The following CEP128 variants were observed in gnomAD, a reference collection of about 807,000 sequenced individuals.
CEP128 encodes centrosomal protein 128, also known as centrosomal protein 128kDa.
A neutral mutation model predicts 156.7 loss-of-function variants in CEP128; 132 were observed. The observed-to-expected ratio is 0.84, with a 90% CI of 0.73 to 0.97. The LOEUF (loss-of-function observed/expected upper bound fraction) is 0.97. Ranked by LOEUF, CEP128 falls within the 50% of genes least tolerant of loss-of-function variation. The probability of loss-of-function intolerance (pLI) is 0.00; values close to 1 mark genes in which losing one functional copy is unlikely to be tolerated. For synonymous variants in CEP128, 469 were observed against 448.9 expected (o/e 1.04, Z -0.57); for missense variants, 1,252 against 1,281.9 (o/e 0.98, Z 0.36).
intron 19 of CEP128, among the ~76,000 whole-genome samples, chr14:80,617,248 T>TTTTTTA (rs1893257571): frequency 1.4e-5 from 2 of 142,586 alleles, no homozygotes; most frequent in Non-Finnish European, 3.0e-5. Context: ...TTTTTTTTTT[T>TTTTTTA]GAGACGGAGT....
At chr14:80,804,439 G>A (rs914568905) in intron 13 of CEP128, among the ~76,000 whole-genome samples, 3 of 152,080 alleles carry the variant, frequency 2.0e-5, no homozygotes, top group Admixed American at 6.6e-5. Flanking sequence ...ATAAGTGGTA[G>A]ACAAGCCAAT....
chr14:80,589,756 A>G (rs1891970257), intron 19 of CEP128, among the ~76,000 whole-genome samples: 1 of 152,114 alleles, frequency 6.6e-6, no homozygotes, highest in South Asian at 2.1e-4. Flanking sequence ...GGTATGTAAT[A>G]CCCCAAGGGT....
rs375013895 is a variant in CEP128, at chr14:80,571,392, C to G, written c.2856+8982G>C. The stretch of plus-strand genomic sequence containing the variant: ...TTCTATTTTACTTTATGGGCAAATA[C>G]AGAAATATTACTTACAGACATTACA... On this transcript the variant is annotated intron_variant, in intron 20 of 24. Coordinates refer to ENST00000555265, the MANE Select transcript of CEP128 (RefSeq NM_152446.5). Among the ~76,000 whole-genome samples the G allele has an allele frequency of 2.4e-4, 36 of 152,240 alleles. No homozygotes were observed. In the East Asian group the frequency reaches 6.4e-3, roughly 27 times the overall value.
chr14:80,528,025 C>A (rs1004169247), intron 22 of CEP128, among the ~76,000 whole-genome samples: 1 of 151,852 alleles, frequency 6.6e-6, no homozygotes, highest in Non-Finnish European at 1.5e-5. Flanking sequence ...AAAACACGTA[C>A]GGATTTAGTG....
chr14:80,722,913 G>A (rs932511587), intron 19 of CEP128, among the ~76,000 whole-genome samples: 2 of 142,010 alleles, frequency 1.4e-5, no homozygotes, highest in Admixed American at 7.8e-5. Context: ...TGCAAGCTCC[G>A]CCTCCTGGGT....
At chr14:80,696,046 C>A (rs1896882344) in intron 19 of CEP128, among the ~76,000 whole-genome samples, 1 of 151,978 alleles carries the variant, frequency 6.6e-6, no homozygotes, top group South Asian at 2.1e-4. Flanking sequence ...AAGTCTGAAC[C>A]TCCGTCCAGT....
At chr14:80,566,455 G>A (rs929497059) in intron 20 of CEP128, among the ~76,000 whole-genome samples, 3 of 152,048 alleles carry the variant, frequency 2.0e-5, no homozygotes, top group East Asian at 1.9e-4. Context: ...GAAAGGCTTT[G>A]ATTAATCATC....
intron 19 of CEP128, among the ~76,000 whole-genome samples, chr14:80,647,037 G>GTATA (rs60895994): frequency 2.9e-5 from 2 of 69,616 alleles, no homozygotes; most frequent in Non-Finnish European, 5.7e-5. Context: ...ATGTGTGCAT[G>GTATA]TATATATATA....
At chr14:80,681,829 T>C (rs1177390147) in intron 19 of CEP128, among the ~76,000 whole-genome samples, 1 of 152,164 alleles carries the variant, frequency 6.6e-6, no homozygotes, top group Non-Finnish European at 1.5e-5. Flanking sequence ...AACAGTCTAA[T>C]ACAGTGAGTC....
At chr14:80,506,014 A>G (rs143802820) in intron 23 of CEP128, among the ~76,000 whole-genome samples, 2 of 152,352 alleles carry the variant, frequency 1.3e-5, no homozygotes, top group African/African-American at 4.8e-5. Context: ...AACAGGTAAT[A>G]ACAGGAAGAA....
At chr14:80,622,560 C>G (rs370808533) in intron 19 of CEP128, among the ~76,000 whole-genome samples, 17,636 of 150,056 alleles carry the variant, frequency 0.12, 1,499 homozygotes, top group Non-Finnish European at 0.17. Context: ...ACCTACTCAT[C>G]TGACAAAGGG....
At chr14:80,566,365 A>T (rs1890908463) in intron 20 of CEP128, among the ~76,000 whole-genome samples, 1 of 152,236 alleles carries the variant, frequency 6.6e-6, no homozygotes, top group Non-Finnish European at 1.5e-5. Flanking sequence ...TAATTAAAAG[A>T]GCTAGAAGTC....
chr14:80,767,409 G>A (rs951478451), intron 16 of CEP128, among the ~76,000 whole-genome samples: 9 of 151,936 alleles, frequency 5.9e-5, no homozygotes, highest in Middle Eastern at 3.4e-3. Context: ...CTCAAAACTT[G>A]TCTATATATG....
In CEP128 at chr14:80,913,495, T is replaced by C. The variant is rs569929915; in HGVS notation, c.234+827A>G. On this transcript the variant is annotated intron_variant, in intron 4 of 24. Transcript: ENST00000555265. ...TTTGGAAACAAGCTCTCAAAATTGT[T>C]ACCTCTTTTGAGTGGGGCTCAAAGG... Among the ~76,000 whole-genome samples, 5 of 152,338 alleles carry C rather than the reference T, an allele frequency of 3.3e-5. 1 individual carries two copies. Among genetic ancestry groups the C allele is most frequent in the African/African-American group, 1.2e-4 (5 of 41,586 alleles).
At chr14:80,930,353 A>C (rs1885390908) in intron 2 of CEP128, among the ~76,000 whole-genome samples, 2 of 152,132 alleles carry the variant, frequency 1.3e-5, no homozygotes, top group South Asian at 4.1e-4. Flanking sequence ...TATTTTATTT[A>C]CCACTTCTGT....
intron 8 of CEP128, among the ~76,000 whole-genome samples, chr14:80,875,098 AG>A (rs1888218920): frequency 6.6e-6 from 1 of 152,198 alleles, no homozygotes; most frequent in African/African-American, 2.4e-5. Flanking sequence ...CAAAGTTTTT[AG>A]CAGATTCTTA....
chr14:80,530,952 T>A, intron 21 of CEP128, 66 bp from the exon 22 acceptor site: 1 of 1,041,894 alleles, frequency 9.6e-7, no homozygotes, highest in Non-Finnish European at 1.4e-6. Context: ...AGAATCCACA[T>A]ACTAAAAATC....
chr14:80,608,261 T>C (rs1223647711), intron 19 of CEP128, among the ~76,000 whole-genome samples: 2 of 152,202 alleles, frequency 1.3e-5, no homozygotes, highest in Non-Finnish European at 2.9e-5. Context: ...TCGCCTCCAC[T>C]AGGATGTAAG....
chr14:80,485,695 A>G (rs143150484), downstream of CEP128, among the ~76,000 whole-genome samples: 2,018 of 152,294 alleles, frequency 0.013, 23 homozygotes, highest in Middle Eastern at 0.054. Context: ...GGTCCACAAG[A>G]ATTTAGCAAT....
Sources: allele counts gnomAD v4.1 joint callset (sites outside exome capture counted in the v4.1 genomes callset), GRCh38; gene constraint gnomAD v4.1.1; transcripts MANE v1.5; gene names NCBI Gene and HGNC (gene_info 2026-07-23, HGNC 2026-07-21).